Variants in EXOSC4 observed in about 807,000 individuals in gnomAD.
The protein encoded by EXOSC4 is exosome complex component RRP41.
A neutral mutation model predicts 20.0 loss-of-function variants in EXOSC4; 14 were observed. The ratio of observed to expected loss-of-function variants is 0.70; its 90% confidence interval spans 0.46 to 1.09. EXOSC4 has a LOEUF of 1.09. EXOSC4 is among the 50% of genes least tolerant of loss of function. EXOSC4 has a pLI of 0.00. For missense variants in EXOSC4, 337 were observed against 334.0 expected (o/e 1.01, Z -0.07); for synonymous variants, 148 against 146.4 (o/e 1.01, Z -0.08).
chr8:144,073,505 A>G, the EXOSC4 span, among the ~76,000 whole-genome samples: 1 of 152,074 alleles, frequency 6.6e-6, no homozygotes, highest in Non-Finnish European at 1.5e-5. Context: ...CTCCTCCACC[A>G]GCACCTCTAT....
upstream of EXOSC4, among the ~76,000 whole-genome samples, chr8:144,077,668 AGT>A (rs1434166734): frequency 6.6e-6 from 1 of 152,330 alleles, no homozygotes; most frequent in African/African-American, 2.4e-5. Flanking sequence ...TGACCCACAG[AGT>A]GTGGCAGGAG....
At chr8:144,073,328 G>GT in the EXOSC4 span, among the ~76,000 whole-genome samples, 1 of 152,294 alleles carries the variant, frequency 6.6e-6, no homozygotes, top group East Asian at 1.9e-4. Flanking sequence ...GAAGATTGCA[G>GT]TGAGTCAAGA....
At chr8:144,072,803 C>T in the EXOSC4 span, among the ~76,000 whole-genome samples, 7 of 152,316 alleles carry the variant, frequency 4.6e-5, no homozygotes, top group African/African-American at 1.4e-4. Flanking sequence ...CCGATGGACA[C>T]GTGGGATGAA....
chr8:144,080,613 C>G lies in EXOSC4; in HGVS notation c.*12C>G. On this transcript the variant is annotated 3_prime_UTR_variant, in exon 3 of 3. Transcript: ENST00000316052. This position sits in a 1 kb window ranked among gnomAD's most constrained non-coding sequence, Gnocchi z 4.9. ...TGCTGGGGGACTGACCACCCAGCCA[C>G]CCATGTCCAGAATAAAACCCTCCTC... 6.3e-7 allele frequency: 1 copy of G among 1,594,038 alleles called. No homozygotes were observed. The highest frequency in any genetic ancestry group is 8.5e-7 in the Non-Finnish European group (1 of 1,177,128).
chr8:144,078,747 T>C lies in EXOSC4; in HGVS notation c.19T>C (p.Leu7=). The C allele has an allele frequency of 6.7e-7, 1 of 1,481,808 alleles. No individual in the cohort carries two copies. The highest frequency in any genetic ancestry group is 9.0e-7 in the Non-Finnish European group (1 of 1,114,454). The allele number at this position is 1,481,808 out of a possible 1,614,324, so 91.8% of individuals were successfully genotyped here. A position where few individuals can be genotyped will look rare whatever the true frequency, so the allele number is the denominator to read the frequency against. Residue 7 remains leucine (L), a synonymous_variant, in exon 1 of 3, where the codon TTG becomes CTG. Coordinates refer to ENST00000316052, the MANE Select transcript of EXOSC4 (RefSeq NM_019037.3). The surrounding 1 kb of genome is among the most constrained non-coding windows in gnomAD (Gnocchi z 4.7). ...GGGCAGCATGGCGGGGCTGGAGCTCTTGTCGGACCAGGGCTACCGGGTGGA... is the reference window on the plus strand; with the variant it reads ...GGGCAGCATGGCGGGGCTGGAGCTCCTGTCGGACCAGGGCTACCGGGTGGA... MAGLEL[L]SDQGYRVDGR...
At chr8:144,074,596 G>C (rs1835819967), upstream of EXOSC4, among the ~76,000 whole-genome samples, 1 of 152,068 alleles carries the variant, frequency 6.6e-6, no homozygotes, top group African/African-American at 2.4e-5. Flanking sequence ...TTTTGAGACA[G>C]CCTGGCTCTG....
chr8:144,067,565 A>G, the EXOSC4 span, among the ~76,000 whole-genome samples: 1 of 152,236 alleles, frequency 6.6e-6, no homozygotes, highest in Non-Finnish European at 1.5e-5. Context: ...GAGAACCCCA[A>G]ATAAGATGAA....
upstream of EXOSC4, among the ~76,000 whole-genome samples, chr8:144,076,240 C>T (rs1835834554): frequency 6.6e-6 from 1 of 152,202 alleles, no homozygotes; most frequent in Admixed American, 6.5e-5. Flanking sequence ...GTGGAGTCCA[C>T]CAGGAGAGGA....
upstream of EXOSC4, among the ~76,000 whole-genome samples, chr8:144,077,470 C>T (rs1322345395): frequency 6.6e-6 from 1 of 152,162 alleles, no homozygotes; most frequent in Non-Finnish European, 1.5e-5. Flanking sequence ...ACTCTCATGC[C>T]TCAGTCTTTC....
At chr8:144,072,355 AT>A in the EXOSC4 span, among the ~76,000 whole-genome samples, 1 of 152,008 alleles carries the variant, frequency 6.6e-6, no homozygotes, top group Admixed American at 6.6e-5. Flanking sequence ...TAATTTTTAT[AT>A]TTTTAGTAGA....
the EXOSC4 span, among the ~76,000 whole-genome samples, chr8:144,065,446 C>T: frequency 2.0e-5 from 3 of 151,924 alleles, no homozygotes; most frequent in South Asian, 2.1e-4. Context: ...ATTTAATTCT[C>T]GGCCGGGTGC....
the EXOSC4 span, among the ~76,000 whole-genome samples, chr8:144,073,358 C>T: frequency 6.6e-6 from 1 of 152,120 alleles, no homozygotes; most frequent in Non-Finnish European, 1.5e-5. Flanking sequence ...TGCACTCCAG[C>T]CTGGGCGACA....
Position 144,078,736 on chromosome 8 carries a change from G to T in EXOSC4, c.8G>T (p.Gly3Val). Residue 3 changes from glycine to valine, a missense_variant, in exon 1 of 3, where the codon GGG becomes GTG. Physicochemically the swap from Gly to Val is moderately radical, Grantham distance 109. Coordinates refer to ENST00000316052, the MANE Select transcript of EXOSC4 (RefSeq NM_019037.3). This position sits in a 1 kb window ranked among gnomAD's most constrained non-coding sequence, Gnocchi z 4.7. MA[G>V]LELLSDQGYR... ...ACCTGGCGGCCGGGCAGCATGGCGG[G>T]GCTGGAGCTCTTGTCGGACCAGGGC... The T allele has an allele frequency of 6.8e-7, 1 of 1,466,834 alleles. No individual in the cohort carries two copies. Among genetic ancestry groups the T allele is most frequent in the African/African-American group, 1.5e-5 (1 of 68,628 alleles). 90.9% of individuals were successfully genotyped at this position (1,466,834 alleles called of 1,614,324 possible).
upstream of EXOSC4, chr8:144,078,553 G>A (rs1180237968): frequency 5.1e-6 from 3 of 592,922 alleles, no homozygotes; most frequent in Non-Finnish European, 7.7e-6. The surrounding 1 kb of genome is among the most constrained non-coding windows in gnomAD (Gnocchi z 4.7). Context: ...ACAGCGGAAC[G>A]CCGGAAACCG....
chr8:144,069,445 C>T, the EXOSC4 span, among the ~76,000 whole-genome samples: 94 of 152,320 alleles, frequency 6.2e-4, 1 homozygote, highest in East Asian at 0.01. Context: ...TGGTGTGTGC[C>T]GGGACTGCTT....
the EXOSC4 span, among the ~76,000 whole-genome samples, chr8:144,068,218 T>C: frequency 6.6e-6 from 1 of 152,144 alleles, no homozygotes; most frequent in Non-Finnish European, 1.5e-5. Flanking sequence ...TCATTGAATA[T>C]GTATATTTGG....
the EXOSC4 span, among the ~76,000 whole-genome samples, chr8:144,064,938 T>A: frequency 6.6e-6 from 1 of 151,046 alleles, no homozygotes; most frequent in African/African-American, 2.4e-5. Context: ...GCCTCCCAGG[T>A]TCACGCCATT....
At chr8:144,078,531 G>C, upstream of EXOSC4, 1 of 501,148 alleles carries the variant, frequency 2.0e-6, no homozygotes, top group South Asian at 4.4e-5. This position sits in a 1 kb window ranked among gnomAD's most constrained non-coding sequence, Gnocchi z 4.7. Flanking sequence ...CAGTTCACCA[G>C]GACAGGAAGT....
upstream of EXOSC4, among the ~76,000 whole-genome samples, chr8:144,074,737 A>T (rs535546867): frequency 1.8e-4 from 27 of 152,080 alleles, 1 homozygote; most frequent in South Asian, 5.0e-3. Context: ...TACCCAGTTA[A>T]TTTTTAAATT....
Sources: gnomAD v4.1 joint callset for allele counts (sites outside exome capture counted in the v4.1 genomes callset) on GRCh38, gnomAD v4.1.1 for gene constraint, Gnocchi (gnomAD v3.1) non-coding constraint, MANE v1.5 for transcripts, NCBI Gene and HGNC (gene_info 2026-07-23, HGNC 2026-07-21) for gene names.